Variants in KHDRBS2 observed in about 807,000 individuals in gnomAD.
KHDRBS2 encodes the protein KH domain-containing, RNA-binding, signal transduction-associated protein 2.
Under a neutral mutation model 44.3 loss-of-function variants are expected in KHDRBS2, and 26 were observed. That is an observed-to-expected ratio of 0.59 (90% CI 0.43 to 0.81). The LOEUF (loss-of-function observed/expected upper bound fraction) is 0.81, where lower values mean the gene tolerates loss of function less well. KHDRBS2 is among the 40% of genes least tolerant of loss of function. KHDRBS2 has a pLI of 0.00. For missense variants in KHDRBS2, 476 were observed against 433.1 expected, an observed-to-expected ratio of 1.10 and a Z score of -0.88; for synonymous variants, 194 against 151.1, an observed-to-expected ratio of 1.28 and a Z score of -2.08.
intron 7 of KHDRBS2, among the ~76,000 whole-genome samples, chr6:61,714,489 C>G (rs1159525259): frequency 1.3e-5 from 2 of 151,728 alleles, no homozygotes; most frequent in Admixed American, 1.3e-4. Context: ...GTAGATTTCT[C>G]AAAGAACTAA....
At chr6:62,082,113 C>A (rs1797514624) in intron 2 of KHDRBS2, among the ~76,000 whole-genome samples, 1 of 151,978 alleles carries the variant, frequency 6.6e-6, no homozygotes, top group Admixed American at 6.6e-5. Context: ...GGTGACGAAT[C>A]CAAAATTTAA....
intron 1 of KHDRBS2, among the ~76,000 whole-genome samples, chr6:62,209,297 A>G (rs1294646202): frequency 1.3e-5 from 2 of 152,192 alleles, no homozygotes; most frequent in Non-Finnish European, 2.9e-5. Context: ...GGAAATAACA[A>G]AGTCAAAAGA....
At chr6:62,116,605 TGG>T (rs1806290877) in intron 2 of KHDRBS2, among the ~76,000 whole-genome samples, 1 of 152,192 alleles carries the variant, frequency 6.6e-6, no homozygotes, top group Non-Finnish European at 1.5e-5. Flanking sequence ...GTCTTTGTGT[TGG>T]GAACATTCTA....
chr6:61,953,978 G>A (rs1020515708), intron 4 of KHDRBS2, among the ~76,000 whole-genome samples: 1 of 152,102 alleles, frequency 6.6e-6, no homozygotes, highest in African/African-American at 2.4e-5. Context: ...GACCAGAAAA[G>A]GAAACAGATG....
intron 1 of KHDRBS2, among the ~76,000 whole-genome samples, chr6:62,254,143 T>G (rs184970465): frequency 1.3e-5 from 2 of 152,078 alleles, no homozygotes; most frequent in African/African-American, 2.4e-5. Context: ...ATTTGTTTTA[T>G]AGTTTTGTTT....
intron 6 of KHDRBS2, among the ~76,000 whole-genome samples, chr6:61,747,749 C>T (rs370336570): frequency 6.6e-6 from 1 of 151,940 alleles, no homozygotes; most frequent in East Asian, 1.9e-4. Context: ...ATTAACAATG[C>T]CCTTGTAGTC....
chr6:61,578,228 C>A, the KHDRBS2 span, among the ~76,000 whole-genome samples: 1 of 152,086 alleles, frequency 6.6e-6, no homozygotes, highest in Admixed American at 6.6e-5. Flanking sequence ...TTTGCACCAA[C>A]CTAATAGCTC....
At chr6:62,084,743 G>A (rs902547630) in intron 2 of KHDRBS2, among the ~76,000 whole-genome samples, 1 of 152,072 alleles carries the variant, frequency 6.6e-6, no homozygotes, top group Non-Finnish European at 1.5e-5. Flanking sequence ...GTATTATGTG[G>A]ATTTATAATC....
chr6:61,810,443 A>G (rs2127592458), intron 6 of KHDRBS2, among the ~76,000 whole-genome samples: 1 of 152,252 alleles, frequency 6.6e-6, no homozygotes, highest in Non-Finnish European at 1.5e-5. Flanking sequence ...CTGCCTAGCC[A>G]GTGTTAATTT....
chr6:61,722,038 A>G (rs1461487577), intron 7 of KHDRBS2, among the ~76,000 whole-genome samples: 1 of 151,376 alleles, frequency 6.6e-6, no homozygotes, highest in Non-Finnish European at 1.5e-5. Flanking sequence ...TGAGATAATC[A>G]TGTGGTTTTT....
At chr6:61,577,077 C>T in the KHDRBS2 span, among the ~76,000 whole-genome samples, 2 of 151,426 alleles carry the variant, frequency 1.3e-5, no homozygotes, top group African/African-American at 2.4e-5. Context: ...AGTCTTTCCT[C>T]TTATGATACC....
chr6:61,955,736 A>T (rs201056874), intron 4 of KHDRBS2, among the ~76,000 whole-genome samples: 9 of 99,752 alleles, frequency 9.0e-5, no homozygotes, highest in South Asian at 3.6e-4. Flanking sequence ...ATATAGACAG[A>T]GAGAGAGGTA....
the KHDRBS2 span, among the ~76,000 whole-genome samples, chr6:61,609,139 C>A: frequency 7.2e-4 from 110 of 152,252 alleles, no homozygotes; most frequent in African/African-American, 2.5e-3. Flanking sequence ...AGGTGGATCA[C>A]TTGAGGTCAG....
chr6:61,998,529 C>T (rs1777644945), intron 3 of KHDRBS2, among the ~76,000 whole-genome samples: 1 of 152,104 alleles, frequency 6.6e-6, no homozygotes, highest in South Asian at 2.1e-4. Flanking sequence ...GGATTTCTTT[C>T]CCAGAATGGA....
At chr6:62,000,514 G>A (rs752991337) in intron 3 of KHDRBS2, among the ~76,000 whole-genome samples, 1 of 152,158 alleles carries the variant, frequency 6.6e-6, no homozygotes, top group Non-Finnish European at 1.5e-5. Flanking sequence ...ACAAGTGATA[G>A]GAAAGTGAGA....
intron 4 of KHDRBS2, among the ~76,000 whole-genome samples, chr6:61,904,212 G>A (rs904540972): frequency 6.6e-6 from 1 of 152,068 alleles, no homozygotes; most frequent in Non-Finnish European, 1.5e-5. Flanking sequence ...GAATATATCC[G>A]AATGTCATAT....
At chr6:61,571,472 A>G in the KHDRBS2 span, among the ~76,000 whole-genome samples, 89,763 of 151,816 alleles carry the variant, frequency 0.59, 26,751 homozygotes, top group African/African-American at 0.61. Flanking sequence ...AATAATAACA[A>G]GGGACTTTGA....
Position 61,955,067 on chromosome 6 carries a change from CAT to C in KHDRBS2, c.483+22997_483+22998del, listed in dbSNP as rs546800007. On this transcript the variant is annotated intron_variant, in intron 4 of 8. Coordinates refer to ENST00000281156, the MANE Select transcript of KHDRBS2 (RefSeq NM_152688.4). Reference sequence around the variant, plus strand: ...ATGTATACATATATGTATGTATACACATATACGTGTGTATGTATGCATACATA... The same window carrying C: ...ATGTATACATATATGTATGTATACACATACGTGTGTATGTATGCATACATA... 1.9e-3 allele frequency among the ~76,000 whole-genome samples: 275 copies of C among 142,830 alleles called. 2 individuals carry two copies. The highest frequency in any genetic ancestry group is 6.4e-3 in the African/African-American group (253 of 39,356). 93.7% of individuals were successfully genotyped at this position (142,830 alleles called of 152,430 possible).
At position 61,901,310 on chromosome 6, in the gene KHDRBS2, T is replaced by G; in HGVS notation, c.545A>C (p.Glu182Ala). The G allele has an allele frequency of 6.2e-7, 1 of 1,613,436 alleles. No homozygotes were observed. Among genetic ancestry groups the G allele is most frequent in the Non-Finnish European group, 8.5e-7 (1 of 1,179,460 alleles). Reference protein sequence around the residue: ...LRELSYLNGSEDSGRGRGIRG... With the variant: ...LRELSYLNGSADSGRGRGIRG... The stretch of plus-strand genomic sequence containing the variant: ...AATACCTCTGCCACGACCAGAGTCC[T>G]CTGAGCCATTTAAGTAAGATAATTC... The change falls in exon 5 of 9, where the codon GAG (glutamate) becomes GCG (alanine). Residue 182 changes from glutamate (E) to alanine (A), a missense_variant. Physicochemically the swap from Glu to Ala is moderately radical, Grantham distance 107. Coordinates refer to ENST00000281156, the MANE Select transcript of KHDRBS2 (RefSeq NM_152688.4).
Sources: gnomAD v4.1 joint callset for allele counts (sites outside exome capture counted in the v4.1 genomes callset) on GRCh38, gnomAD v4.1.1 for gene constraint, MANE v1.5 for transcripts, NCBI Gene and HGNC (gene_info 2026-07-23, HGNC 2026-07-21) for gene names.